The following SLC24A4 variants were observed in gnomAD, a reference collection of about 807,000 sequenced individuals.
The protein encoded by SLC24A4 is solute carrier family 24 member 4.
Under a neutral mutation model 79.0 loss-of-function variants are expected in SLC24A4, and 53 were observed. That is an observed-to-expected ratio of 0.67 (90% CI 0.54 to 0.84). The LOEUF (loss-of-function observed/expected upper bound fraction) is 0.84, where lower values mean the gene tolerates loss of function less well. Ranked by LOEUF, SLC24A4 falls within the 40% of genes least tolerant of loss-of-function variation. The pLI is 0.00. For missense variants in SLC24A4, 731 were observed against 822.0 expected (o/e 0.89, Z 1.35); for synonymous variants, 323 against 323.8 (o/e 1.00, Z 0.03).
intron 2 of SLC24A4, among the ~76,000 whole-genome samples, chr14:92,416,702 C>A (rs900764405): frequency 6.6e-6 from 1 of 152,174 alleles, no homozygotes; most frequent in African/African-American, 2.4e-5. Flanking sequence ...CCTCACGGTG[C>A]TTTTGTGGAA....
chr14:92,379,378 C>A (rs954831796), intron 2 of SLC24A4, among the ~76,000 whole-genome samples: 1 of 152,158 alleles, frequency 6.6e-6, no homozygotes, highest in Admixed American at 6.5e-5. Context: ...TTGGCATTCT[C>A]AGTGGTTCTG....
At chr14:92,325,092 A>G (rs907592676) in intron 1 of SLC24A4, among the ~76,000 whole-genome samples, 1 of 152,188 alleles carries the variant, frequency 6.6e-6, no homozygotes, top group Non-Finnish European at 1.5e-5. Context: ...TTCCCCCCTC[A>G]ATTACACACC....
At position 92,496,256 on chromosome 14, in the gene SLC24A4, G is replaced by A. The variant is rs1258476625; in HGVS notation, c.*2628G>A. 1 of 152,620 alleles carries A rather than the reference G, an allele frequency of 6.6e-6. No individual in the cohort carries two copies. The highest frequency in any genetic ancestry group is 6.5e-5 in the Admixed American group (1 of 15,284). The allele number at this position is 152,620 out of a possible 1,614,324, so 9.5% of individuals were successfully genotyped here. A position where few individuals can be genotyped will look rare whatever the true frequency, so the allele number is the denominator to read the frequency against. ...ATTTATTAAATCTGGAAAACTATAT[G>A]TACACTGTAGGTGGAAAATTCTCTT... On this transcript the variant is annotated 3_prime_UTR_variant, in exon 17 of 17. Transcript: ENST00000532405.
chr14:92,445,489 C>G (rs1223099003), intron 8 of SLC24A4, 147 bp downstream of exon 8: 1 of 905,348 alleles, frequency 1.1e-6, no homozygotes, highest in African/African-American at 1.7e-5. Flanking sequence ...ATATTCTAAG[C>G]AGTCATGCCT....
chr14:92,362,155 G>A (rs571719969), intron 2 of SLC24A4, among the ~76,000 whole-genome samples: 16 of 152,036 alleles, frequency 1.1e-4, no homozygotes, highest in Non-Finnish European at 2.2e-4. Flanking sequence ...TGCAAACCCC[G>A]GACCCCAGCT....
At chr14:92,327,369 C>T (rs1030404905) in intron 2 of SLC24A4, among the ~76,000 whole-genome samples, 1 of 152,182 alleles carries the variant, frequency 6.6e-6, no homozygotes, top group African/African-American at 2.4e-5. Flanking sequence ...GTCATTCCCT[C>T]CCCCAGGGTG....
chr14:92,399,181 CTCAGAAAAGAACATG>C (rs1889949772), intron 2 of SLC24A4, among the ~76,000 whole-genome samples: 1 of 152,148 alleles, frequency 6.6e-6, no homozygotes, highest in South Asian at 2.1e-4. Context: ...ACCCTGGGTT[CTCAGAAAAGAACATG>C]TTGTTAATTT....
chr14:92,378,534 A>G (rs1328946850), intron 2 of SLC24A4, among the ~76,000 whole-genome samples: 2 of 151,670 alleles, frequency 1.3e-5, no homozygotes, highest in East Asian at 3.9e-4. Flanking sequence ...CATCTTCTCC[A>G]CCTCCGTAAT....
At chr14:92,344,260 G>A (rs1247046804) in intron 2 of SLC24A4, among the ~76,000 whole-genome samples, 4 of 152,176 alleles carry the variant, frequency 2.6e-5, no homozygotes, top group African/African-American at 7.2e-5. Context: ...TGTTCTAGAC[G>A]GCACTTCTCC....
intron 12 of SLC24A4, among the ~76,000 whole-genome samples, chr14:92,469,311 A>T (rs907459743): frequency 6.6e-6 from 1 of 152,190 alleles, no homozygotes; most frequent in Non-Finnish European, 1.5e-5. Context: ...GATCGAGACT[A>T]TCCTGGCTAA....
chr14:92,397,638 TG>T (rs777863012), intron 2 of SLC24A4, among the ~76,000 whole-genome samples: 2 of 152,108 alleles, frequency 1.3e-5, no homozygotes, highest in African/African-American at 2.4e-5. Flanking sequence ...AGATGGTGTG[TG>T]GGCTGGTGAT....
intron 12 of SLC24A4, among the ~76,000 whole-genome samples, chr14:92,473,688 A>G (rs1219117127): frequency 3.3e-5 from 5 of 152,098 alleles, no homozygotes; most frequent in African/African-American, 7.2e-5. Context: ...GGCAGCCCCT[A>G]TCTCCCCATG....
At chr14:92,322,795 G>C (rs1312152418), upstream of SLC24A4, among the ~76,000 whole-genome samples, 2 of 152,130 alleles carry the variant, frequency 1.3e-5, no homozygotes, top group Non-Finnish European at 2.9e-5. Context: ...TGGGTGGCGG[G>C]GTGGGGAGGG....
intron 2 of SLC24A4, among the ~76,000 whole-genome samples, chr14:92,367,624 A>G (rs192028408): frequency 6.6e-6 from 1 of 152,356 alleles, no homozygotes; most frequent in East Asian, 1.9e-4. Context: ...AAAAGAGAGT[A>G]GCAAGCCTCT....
chr14:92,344,829 C>T (rs1480498371), intron 2 of SLC24A4, among the ~76,000 whole-genome samples: 1 of 152,162 alleles, frequency 6.6e-6, no homozygotes, highest in Non-Finnish European at 1.5e-5. Context: ...CCTCCACAAA[C>T]AGGGAGGGCG....
intron 7 of SLC24A4, among the ~76,000 whole-genome samples, chr14:92,444,448 G>C (rs12434190): frequency 0.034 from 5,121 of 152,214 alleles, 293 homozygotes; most frequent in African/African-American, 0.11. Context: ...ATGAATGACT[G>C]CTGATAAAAT....
rs551420904 is a variant in SLC24A4, at chr14:92,353,215, C to T, written c.241+27237C>T. Among the ~76,000 whole-genome samples the T allele has an allele frequency of 4.6e-5, 7 of 152,248 alleles. 1 individual carries two copies. Among genetic ancestry groups the T allele is most frequent in the South Asian group, 2.1e-4 (1 of 4,816 alleles). ...CAGGAGCATGACATACTCTTTGATCCGTACCTATCTTTGCTCAATATTGAA... is the reference window on the plus strand; with the variant it reads ...CAGGAGCATGACATACTCTTTGATCTGTACCTATCTTTGCTCAATATTGAA... On this transcript the variant is annotated intron_variant, in intron 2 of 16. Coordinates refer to ENST00000532405, the MANE Select transcript of SLC24A4 (RefSeq NM_153646.4). This position sits in a 1 kb window ranked among gnomAD's most constrained non-coding sequence, Gnocchi z 4.1.
At chr14:92,486,855 T>A in intron 14 of SLC24A4, 75 bp downstream of exon 14, 1 of 1,077,728 alleles carries the variant, frequency 9.3e-7, no homozygotes, top group South Asian at 1.4e-5. Context: ...GACTTACAGT[T>A]GACCAAGTTG....
rs866495931 is a variant in SLC24A4, at chr14:92,323,896, A to T, written c.66A>T (p.Gln22His). Residue 22 changes from glutamine (Q) to histidine (H), a missense_variant, in exon 1 of 17, where the codon CAA becomes CAT. By Grantham distance (24) the Gln-to-His change is conservative (BLOSUM62 0). Coordinates refer to ENST00000532405, the MANE Select transcript of SLC24A4 (RefSeq NM_153646.4). This position sits in a 1 kb window ranked among gnomAD's most constrained non-coding sequence, Gnocchi z 4.9. ...VRRRREMLPQ[Q>H]VGFVCAVLAL... ...GGAGGCGAGAGATGCTGCCGCAGCA[A>T]GTCGGCTTCGTGTGCGCGGTGCTGG... 6.8e-6 allele frequency: 11 copies of T among 1,608,688 alleles called. 1 individual carries two copies. The Middle Eastern group carries it at 1.8e-3, about 268-fold the overall frequency.
Sources: allele counts gnomAD v4.1 joint callset (sites outside exome capture counted in the v4.1 genomes callset), GRCh38; gene constraint gnomAD v4.1.1; non-coding constraint Gnocchi (gnomAD v3.1); transcripts MANE v1.5; gene names NCBI Gene and HGNC (gene_info 2026-07-23, HGNC 2026-07-21).